Variants in PDE1C observed in about 807,000 individuals in gnomAD.
PDE1C encodes the protein phosphodiesterase 1C, also known as dual specificity calcium/calmodulin-dependent 3',5'-cyclic nucleotide phosphodiesterase 1C.
Under a neutral mutation model 93.1 loss-of-function variants are expected in PDE1C, and 62 were observed. That is an observed-to-expected ratio of 0.67 (90% confidence interval 0.54 to 0.82). The LOEUF is 0.82. Ranked by LOEUF, PDE1C falls within the 40% of genes least tolerant of loss-of-function variation. PDE1C has a pLI of 0.00. For synonymous variants in PDE1C, 325 were observed against 310.1 expected (o/e 1.05, Z -0.50); for missense variants, 742 against 884.6 (o/e 0.84, Z 2.04).
intron 14 of PDE1C, among the ~76,000 whole-genome samples, chr7:31,822,172 G>A (rs561479971): frequency 1.6e-4 from 25 of 152,108 alleles, no homozygotes; most frequent in Non-Finnish European, 2.1e-4. Context: ...CCTGGGCACC[G>A]GGCACAACCT....
chr7:32,407,289 C>T (rs1785074497), intron 1 of PDE1C, among the ~76,000 whole-genome samples: 1 of 151,972 alleles, frequency 6.6e-6, no homozygotes, highest in Non-Finnish European at 1.5e-5. Context: ...AATAAAACCA[C>T]CTGGACAGAG....
At chr7:31,893,055 A>G (rs1267314476) in intron 2 of PDE1C, among the ~76,000 whole-genome samples, 1 of 152,216 alleles carries the variant, frequency 6.6e-6, no homozygotes, top group Non-Finnish European at 1.5e-5. Context: ...AGCTTATAAT[A>G]AAAGTAAATT....
intron 2 of PDE1C, among the ~76,000 whole-genome samples, chr7:31,975,657 C>G (rs547429053): frequency 6.6e-6 from 1 of 152,254 alleles, no homozygotes; most frequent in African/African-American, 2.4e-5. Flanking sequence ...CCACCACTTA[C>G]TATATATATG....
chr7:32,335,215 G>T (rs143878782), intron 1 of PDE1C, among the ~76,000 whole-genome samples: 3 of 152,324 alleles, frequency 2.0e-5, no homozygotes, highest in African/African-American at 7.2e-5. Flanking sequence ...AATGTGGAAA[G>T]CAGAGAACGC....
At chr7:31,724,814 T>C in the PDE1C span, among the ~76,000 whole-genome samples, 6 of 152,154 alleles carry the variant, frequency 3.9e-5, no homozygotes, top group Non-Finnish European at 7.4e-5. Flanking sequence ...GATAGACATA[T>C]AAGGTGGGCT....
At chr7:32,291,023 A>C (rs191180725) in intron 1 of PDE1C, among the ~76,000 whole-genome samples, 2 of 152,302 alleles carry the variant, frequency 1.3e-5, no homozygotes, top group Admixed American at 6.5e-5. Flanking sequence ...ATATAATAAT[A>C]AAAACATTTA....
intron 1 of PDE1C, among the ~76,000 whole-genome samples, chr7:32,066,193 T>C (rs1344898139): frequency 6.6e-6 from 1 of 152,194 alleles, no homozygotes; most frequent in Non-Finnish European, 1.5e-5. Context: ...GAAACCAACT[T>C]TTATTACCTG....
At chr7:32,165,866 A>T (rs1802219989) in intron 3 of PDE1C, among the ~76,000 whole-genome samples, 1 of 152,186 alleles carries the variant, frequency 6.6e-6, no homozygotes, top group African/African-American at 2.4e-5. Flanking sequence ...GACCAGCAGC[A>T]TCAGTATAAC....
chr7:31,850,787 A>G (rs1362321212), intron 7 of PDE1C, 46 bp from the exon 8 acceptor site: 1 of 1,398,218 alleles, frequency 7.2e-7, no homozygotes, highest in East Asian at 2.3e-5. Context: ...TTCTTTCTCA[A>G]AGTCTTCAGC....
chr7:31,690,570 T>C, the PDE1C span, among the ~76,000 whole-genome samples: 1 of 152,230 alleles, frequency 6.6e-6, no homozygotes, highest in Admixed American at 6.5e-5. Flanking sequence ...AGCAACTTCA[T>C]CGAAGTCATA....
the PDE1C span, among the ~76,000 whole-genome samples, chr7:31,721,860 T>A: frequency 6.6e-6 from 1 of 152,206 alleles, no homozygotes; most frequent in African/African-American, 2.4e-5. Flanking sequence ...ATTCCCTGAA[T>A]ATCTACCCTG....
intron 1 of PDE1C, among the ~76,000 whole-genome samples, chr7:32,318,452 C>T (rs1029244571): frequency 1.3e-5 from 2 of 152,198 alleles, no homozygotes; most frequent in Non-Finnish European, 2.9e-5. Context: ...GCTCTCCCTC[C>T]GCCGCGGTCT....
intron 2 of PDE1C, among the ~76,000 whole-genome samples, chr7:32,172,983 A>G (rs1240401203): frequency 6.6e-6 from 1 of 152,144 alleles, no homozygotes; most frequent in Non-Finnish European, 1.5e-5. Flanking sequence ...GAAATATACC[A>G]TTTGACCCAG....
At chr7:31,642,392 A>G in the PDE1C span, 3 of 695,106 alleles carry the variant, frequency 4.3e-6, no homozygotes, top group South Asian at 5.8e-5. Flanking sequence ...CCACAATTGG[A>G]AAGGTTGAGA....
intron 1 of PDE1C, among the ~76,000 whole-genome samples, chr7:32,289,789 G>A (rs1423992127): frequency 6.6e-6 from 1 of 152,152 alleles, no homozygotes; most frequent in East Asian, 1.9e-4. Flanking sequence ...GTCCAGAAGG[G>A]GTTTCTTCTC....
chr7:31,969,387 A>G (rs1394695118), intron 2 of PDE1C, among the ~76,000 whole-genome samples: 1 of 152,268 alleles, frequency 6.6e-6, no homozygotes, highest in Non-Finnish European at 1.5e-5. Context: ...AAACACATGA[A>G]AAAATGCTCA....
chr7:31,672,628 T>G, the PDE1C span, among the ~76,000 whole-genome samples: 10 of 152,178 alleles, frequency 6.6e-5, no homozygotes, highest in African/African-American at 1.9e-4. Context: ...TAAGTACATT[T>G]TGGGGAGTGT....
chr7:32,123,207 G>C (rs1485931000), intron 3 of PDE1C, among the ~76,000 whole-genome samples: 1 of 152,082 alleles, frequency 6.6e-6, no homozygotes, highest in Non-Finnish European at 1.5e-5. Context: ...TTCCAAAATT[G>C]AGGGAGTCAT....
intron 2 of PDE1C, among the ~76,000 whole-genome samples, chr7:31,966,864 G>A (rs1261218601): frequency 1.3e-5 from 2 of 152,076 alleles, no homozygotes; most frequent in African/African-American, 2.4e-5. Context: ...TGACTACTGG[G>A]TACATAATGA....
Sources: allele counts gnomAD v4.1 joint callset (sites outside exome capture counted in the v4.1 genomes callset), GRCh38; gene constraint gnomAD v4.1.1; transcripts MANE v1.5; gene names NCBI Gene and HGNC (gene_info 2026-07-23, HGNC 2026-07-21).